The following OPTN variants were observed in gnomAD, a reference collection of about 807,000 sequenced individuals.
OPTN encodes the protein optineurin.
OPTN carries 54 observed loss-of-function variants against 70.4 expected under a neutral mutation model. That is an observed-to-expected ratio of 0.77 (90% CI 0.62 to 0.96). The LOEUF is 0.96. OPTN is among the 40% of genes least tolerant of loss of function. OPTN has a pLI of 0.00. For synonymous variants in OPTN, 256 were observed against 248.5 expected (o/e 1.03, Z -0.28); for missense variants, 624 against 673.2 (o/e 0.93, Z 0.81).
chr10:13,112,058 C>G (rs1427867461), intron 4 of OPTN, among the ~76,000 whole-genome samples: 2 of 151,280 alleles, frequency 1.3e-5, no homozygotes, highest in African/African-American at 2.4e-5. Flanking sequence ...CTGTGTTAGC[C>G]AGGATGGTCT....
chr10:13,138,139 A>G lies in OPTN; in HGVS notation c.*1273A>G, dbSNP rs944186746. On this transcript the variant is annotated 3_prime_UTR_variant, in exon 15 of 15. Transcript: ENST00000378747. ...GAGCCCAGTATGTGCTGTGTGAGTT[A>G]GAAGTCATTCTTGCTGAGAAGGTGA... is the stretch of plus-strand genomic sequence containing the variant. 5.1e-6 allele frequency: 1 copy of G among 196,038 alleles called. No individual in the cohort carries two copies. The highest frequency in any genetic ancestry group is 2.3e-5 in the African/African-American group (1 of 43,252). The allele number at this position is 196,038 out of a possible 1,614,324, so 12.1% of individuals were successfully genotyped here. A position where few individuals can be genotyped will look rare whatever the true frequency, so the allele number is the denominator to read the frequency against.
Position 13,137,669 on chromosome 10 carries a change from T to C in OPTN, c.*803T>C. On this transcript the variant is annotated 3_prime_UTR_variant, in exon 15 of 15. Coordinates refer to ENST00000378747, the MANE Select transcript of OPTN (RefSeq NM_001008212.2). ...TCTGTTGGAGGTTATGTGTGTATGTTGTAGTTTTATTGCAGCCACAATAAT... is the reference window on the plus strand; with the variant it reads ...TCTGTTGGAGGTTATGTGTGTATGTCGTAGTTTTATTGCAGCCACAATAAT... 4.3e-6 allele frequency: 1 copy of C among 231,678 alleles called. No homozygotes were observed. The highest frequency in any genetic ancestry group is 6.1e-5 in the East Asian group (1 of 16,338). The allele number at this position is 231,678 out of a possible 1,614,324, so 14.4% of individuals were successfully genotyped here. A position where few individuals can be genotyped will look rare whatever the true frequency, so the allele number is the denominator to read the frequency against.
intron 1 of OPTN, among the ~76,000 whole-genome samples, chr10:13,100,873 G>A (rs776576914): frequency 6.6e-6 from 1 of 152,222 alleles, no homozygotes; most frequent in Non-Finnish European, 1.5e-5. Context: ...ATCGCTCAAA[G>A]AAAATGAAAC....
rs771767144 is a variant in OPTN at position 13,126,283 on chromosome 10, C to CCTTT, written c.1242+244_1242+245insCTTT. 1.5e-4 allele frequency among the ~76,000 whole-genome samples: 21 copies of CCTTT among 139,064 alleles called. 1 individual carries two copies. Among genetic ancestry groups the CCTTT allele is most frequent in the African/African-American group, 3.8e-4 (14 of 36,670 alleles). The allele number at this position is 139,064 out of a possible 152,430, so 91.2% of individuals were successfully genotyped here. On this transcript the variant is annotated intron_variant, in intron 11 of 14. Coordinates refer to ENST00000378747, the MANE Select transcript of OPTN (RefSeq NM_001008212.2). Reference sequence around the variant, plus strand: ...GTCAGGGATTAAGCACTTCGTATTTCTTTTTTTTTTTTTTTGAGACGGAGT... The same window carrying CCTTT: ...GTCAGGGATTAAGCACTTCGTATTTCCTTTTTTTTTTTTTTTTTTGAGACGGAGT...
chr10:13,114,237 TAG>T (rs1400644927), intron 5 of OPTN, among the ~76,000 whole-genome samples: 2 of 152,124 alleles, frequency 1.3e-5, no homozygotes, highest in Non-Finnish European at 2.9e-5. Context: ...TTTGCTGCAA[TAG>T]AGTTAGGAAA....
At chr10:13,122,578 T>C in intron 8 of OPTN, 91 bp downstream of exon 8, 1 of 845,416 alleles carries the variant, frequency 1.2e-6, no homozygotes, top group Non-Finnish European at 2.0e-6. Flanking sequence ...GGTTATTTGC[T>C]TTAGAAATAT....
At chr10:13,116,128 AACAGTGC>A (rs1833202578) in intron 5 of OPTN, 132 bp from the exon 6 acceptor site, 2 of 706,294 alleles carry the variant, frequency 2.8e-6, no homozygotes, top group Non-Finnish European at 5.2e-6. Flanking sequence ...ACCCCGTTTA[AACAGTGC>A]ACATCTGAAT....
chr10:13,126,011 A>G lies in OPTN; in HGVS notation c.1214A>G (p.Lys405Arg). 2 of 1,611,938 alleles carry G rather than the reference A, an allele frequency of 1.2e-6. No homozygotes were observed. Among genetic ancestry groups the G allele is most frequent in the Non-Finnish European group, 1.7e-6 (2 of 1,178,038 alleles). The change falls in exon 11 of 15, where the codon AAA (lysine) becomes AGA (arginine). Residue 405 changes from lysine to arginine, a missense_variant. By Grantham distance (26) the Lys-to-Arg change is conservative. Coordinates refer to ENST00000378747, the MANE Select transcript of OPTN (RefSeq NM_001008212.2). ...CTTCAAGAACATAATAATGCATTGA[A>G]AACAATTGAGGAACTAACAAGAAAA... is the stretch of plus-strand genomic sequence containing the variant. ...KLLQEHNNAL[K>R]TIEELTRKES... is the part of the protein sequence containing the mutation.
Position 13,111,495 on chromosome 10 carries a change from C to T in OPTN, c.370-958C>T, listed in dbSNP as rs185948264. Among the ~76,000 whole-genome samples, 125 of 151,894 alleles carry T rather than the reference C, an allele frequency of 8.2e-4. No individual in the cohort carries two copies. The Middle Eastern group carries it at 0.01, about 12-fold the overall frequency. On this transcript the variant is annotated intron_variant, in intron 4 of 14. Coordinates refer to ENST00000378747, the MANE Select transcript of OPTN (RefSeq NM_001008212.2). Reference sequence around the variant, plus strand: ...GGCAGATCACCTGAGGTGAGGAGTTCGAGACCAGCCTGGCCAACATGGCGA... The same window carrying T: ...GGCAGATCACCTGAGGTGAGGAGTTTGAGACCAGCCTGGCCAACATGGCGA...
At chr10:13,130,787 G>C (rs1833578897) in intron 12 of OPTN, among the ~76,000 whole-genome samples, 1 of 152,048 alleles carries the variant, frequency 6.6e-6, no homozygotes, top group South Asian at 2.1e-4. Context: ...AACATAGAAA[G>C]TGAAAAATTA....
intron 6 of OPTN, among the ~76,000 whole-genome samples, chr10:13,117,591 G>A (rs1383225471): frequency 1.3e-5 from 2 of 151,722 alleles, no homozygotes; most frequent in Non-Finnish European, 2.9e-5. Flanking sequence ...GAATACAGGT[G>A]GCCGCCACCA....
intron 5 of OPTN, among the ~76,000 whole-genome samples, chr10:13,115,656 T>C (rs1235861700): frequency 7.1e-6 from 1 of 140,242 alleles, no homozygotes; most frequent in Non-Finnish European, 1.5e-5. Flanking sequence ...TATATATTTA[T>C]ACGTATATAC....
intron 6 of OPTN, 68 bp from the exon 7 acceptor site, chr10:13,118,820 T>C: frequency 7.4e-7 from 1 of 1,356,046 alleles, no homozygotes; most frequent in South Asian, 1.2e-5. Context: ...CCCAGTTATA[T>C]TGGGTTACTC....
chr10:13,127,844 A>G lies in OPTN; in HGVS notation c.1342A>G (p.Lys448Glu). 1.2e-6 allele frequency: 2 copies of G among 1,614,198 alleles called. No individual in the cohort carries two copies. The highest frequency in any genetic ancestry group is 1.6e-4 in the Middle Eastern group (1 of 6,062). Residue 448 changes from lysine to glutamate, a missense_variant, in exon 12 of 15, where the codon AAG (lysine) becomes GAG (glutamate). Physicochemically the swap from Lys to Glu is moderately conservative, Grantham distance 56 (BLOSUM62 1). Coordinates refer to ENST00000378747, the MANE Select transcript of OPTN (RefSeq NM_001008212.2). ...ASKQLQMDEM[K>E]QTIAKQEEDL... is the part of the protein sequence containing the mutation. Reference sequence around the variant, plus strand: ...CAAACAGCTGCAAATGGATGAAATGAAGCAAACCATTGCCAAGCAGGAAGA... The same window carrying G: ...CAAACAGCTGCAAATGGATGAAATGGAGCAAACCATTGCCAAGCAGGAAGA...
intron 5 of OPTN, among the ~76,000 whole-genome samples, chr10:13,115,335 T>G (rs1381681305): frequency 2.9e-5 from 3 of 103,906 alleles, no homozygotes; most frequent in African/African-American, 1.2e-4. Flanking sequence ...ATAGAATATA[T>G]TATACAATTA....
chr10:13,135,288 A>C (rs966398288), intron 14 of OPTN, among the ~76,000 whole-genome samples: 1 of 152,142 alleles, frequency 6.6e-6, no homozygotes, highest in African/African-American at 2.4e-5. Context: ...TCCAGGACCT[A>C]GCTAGGGTCA....
rs1450047435 is a variant in OPTN, at chr10:13,118,896, C to A, written c.635C>A (p.Ser212Tyr). ...TRTVSTGTAL[S>Y]KYRSRSADGA... ...ACCTTTATACTGAACAGGGCATTGT[C>A]TAAATATAGGAGCAGATCTGCAGAT... The change falls in exon 7 of 15, where the codon TCT (serine) becomes TAT (tyrosine). Residue 212 changes from serine (S) to tyrosine (Y), a missense_variant. Physicochemically the swap from Ser to Tyr is moderately radical, Grantham distance 144 (BLOSUM62 -2). Coordinates refer to ENST00000378747, the MANE Select transcript of OPTN (RefSeq NM_001008212.2). 5 of 1,613,940 alleles carry A rather than the reference C, an allele frequency of 3.1e-6. No individual in the cohort carries two copies. Among genetic ancestry groups the A allele is most frequent in the East Asian group, 4.5e-5 (2 of 44,876 alleles).
chr10:13,136,557 A>C (rs1416557015), intron 14 of OPTN, among the ~76,000 whole-genome samples, 188 bp from the exon 15 acceptor site: 1 of 151,376 alleles, frequency 6.6e-6, no homozygotes, highest in East Asian at 1.9e-4. Flanking sequence ...AGCAGGTATC[A>C]CTTGGAGAGA....
chr10:13,103,653 C>A (rs1832796888), intron 1 of OPTN, among the ~76,000 whole-genome samples: 2 of 152,190 alleles, frequency 1.3e-5, no homozygotes, highest in African/African-American at 4.8e-5. Flanking sequence ...AAGGCCAACT[C>A]AGCAATCAGA....
Sources: allele counts gnomAD v4.1 joint callset (sites outside exome capture counted in the v4.1 genomes callset), GRCh38; gene constraint gnomAD v4.1.1; transcripts MANE v1.5; gene names NCBI Gene and HGNC (gene_info 2026-07-23, HGNC 2026-07-21).